The following WASF3 variants were observed in gnomAD, a reference collection of about 807,000 sequenced individuals.
WASF3 encodes WASP family member 3.
WASF3 carries 11 observed loss-of-function variants against 46.6 expected under a neutral mutation model. The ratio of observed to expected loss-of-function variants is 0.24; its 90% CI spans 0.15 to 0.39. The LOEUF is 0.39. WASF3 is among the 10% of genes least tolerant of loss of function. WASF3 has a pLI of 1.00. For missense variants in WASF3, 576 were observed against 669.8 expected (o/e 0.86, Z 1.55); for synonymous variants, 242 against 259.7 (o/e 0.93, Z 0.65).
rs1882735495 is a variant in WASF3, at chr13:26,665,158, A to G, written c.264A>G (p.Glu88=). 3 of 1,613,630 alleles carry G rather than the reference A, an allele frequency of 1.9e-6. No homozygotes were observed. Among genetic ancestry groups the G allele is most frequent in the East Asian group, 2.2e-5 (1 of 44,900 alleles). ...VKVTQLDSTV[E]EVSLQDINMK... Reference sequence around the variant, plus strand: ...TCACCCAGCTGGATTCAACAGTGGAAGAGGGTAGGTAATTGCCTGAAAGCA... The same window carrying G: ...TCACCCAGCTGGATTCAACAGTGGAGGAGGGTAGGTAATTGCCTGAAAGCA... The change falls in exon 4 of 10, where the codon GAA becomes GAG. Residue 88 remains glutamate, a synonymous_variant. Transcript: ENST00000335327.
chr13:26,571,295 G>A (rs1879625002), intron 1 of WASF3, among the ~76,000 whole-genome samples: 1 of 151,902 alleles, frequency 6.6e-6, no homozygotes, highest in Non-Finnish European at 1.5e-5. Flanking sequence ...AATTGAATTG[G>A]GCATGGGTTT....
intron 2 of WASF3, among the ~76,000 whole-genome samples, chr13:26,620,288 A>T (rs1881266979): frequency 6.6e-6 from 1 of 152,106 alleles, no homozygotes; most frequent in South Asian, 2.1e-4. Context: ...ACAATAAAGG[A>T]CTATAAAACA....
chr13:26,541,970 C>G, the WASF3 span, among the ~76,000 whole-genome samples: 1 of 151,784 alleles, frequency 6.6e-6, no homozygotes, highest in Non-Finnish European at 1.5e-5. Context: ...TTTTATTCCC[C>G]CTTTGGAGCT....
intron 1 of WASF3, among the ~76,000 whole-genome samples, chr13:26,580,328 C>T (rs1302660955): frequency 2.0e-5 from 3 of 152,062 alleles, no homozygotes; most frequent in African/African-American, 4.8e-5. Flanking sequence ...GTCAGAAGTG[C>T]TGTAGGATAA....
chr13:26,592,668 T>G (rs1880340322), intron 1 of WASF3, among the ~76,000 whole-genome samples: 1 of 152,182 alleles, frequency 6.6e-6, no homozygotes, highest in African/African-American at 2.4e-5. Flanking sequence ...TCCAAATGCA[T>G]CACATTAGGG....
the WASF3 span, among the ~76,000 whole-genome samples, chr13:26,552,358 T>C: frequency 1.3e-5 from 2 of 152,230 alleles, no homozygotes; most frequent in Non-Finnish European, 2.9e-5. Context: ...CAAAATAAAG[T>C]TAATATCAAT....
intron 1 of WASF3, among the ~76,000 whole-genome samples, chr13:26,562,341 G>A (rs1300811832): frequency 6.6e-6 from 1 of 152,126 alleles, no homozygotes; most frequent in Non-Finnish European, 1.5e-5. Flanking sequence ...CAGCTGCTGC[G>A]AGCTGTTAGT....
intron 3 of WASF3, among the ~76,000 whole-genome samples, chr13:26,655,585 A>AT (rs1431573703): frequency 2.0e-5 from 3 of 152,164 alleles, no homozygotes; most frequent in Non-Finnish European, 4.4e-5. Context: ...CTCAGCATCC[A>AT]TTGATGATCC....
In WASF3 at chr13:26,572,419, C is replaced by CTA. The variant is rs201739712; in HGVS notation, c.-109+14610_-109+14611dup. Among the ~76,000 whole-genome samples the CTA allele has an allele frequency of 7.2e-5, 11 of 152,078 alleles. No individual in the cohort carries two copies. The East Asian group carries it at 1.7e-3, about 24-fold the overall frequency. On this transcript the variant is annotated intron_variant, in intron 1 of 9. Transcript: ENST00000335327. ...AAGTATGCGTCTACTCCTATTTATT[C>CTA]TATATATATATTAGGAATGAATACT... is the stretch of plus-strand genomic sequence containing the variant.
chr13:26,553,540 G>A (rs756665834), upstream of WASF3, among the ~76,000 whole-genome samples: 9 of 151,994 alleles, frequency 5.9e-5, no homozygotes, highest in Non-Finnish European at 7.4e-5. Context: ...TGGAGAGGCC[G>A]GGCACGGTGG....
At position 26,679,122 on chromosome 13, in the gene WASF3, TC is replaced by T. The variant is rs59508032; in HGVS notation, c.717-1931del. ...GCCTCTGGCCCTCCCAGTCCTCTCT[TC>T]TGTAATAGGTGATCACTGACCATCA... On this transcript the variant is annotated intron_variant, in intron 7 of 9. Coordinates refer to ENST00000335327, the MANE Select transcript of WASF3 (RefSeq NM_006646.6). The surrounding 1 kb of genome is among the most constrained non-coding windows in gnomAD (Gnocchi z 4.8). Among the ~76,000 whole-genome samples, 5,396 of 152,074 alleles carry T rather than the reference TC, an allele frequency of 0.035. 330 individuals carry two copies. Among genetic ancestry groups the T allele is most frequent in the African/African-American group, 0.12 (5,082 of 41,434 alleles).
chr13:26,624,528 A>G (rs981033174), intron 2 of WASF3, among the ~76,000 whole-genome samples: 11 of 152,312 alleles, frequency 7.2e-5, no homozygotes, highest in African/African-American at 2.4e-4. Context: ...GATACTGTCC[A>G]GAAAAAAATA....
chr13:26,597,565 T>G (rs1306495937), intron 1 of WASF3, among the ~76,000 whole-genome samples: 3 of 152,210 alleles, frequency 2.0e-5, no homozygotes, highest in African/African-American at 7.2e-5. Flanking sequence ...ATGTGCCATG[T>G]TGGTGTGCTG....
At chr13:26,577,271 C>A (rs964406714) in intron 1 of WASF3, 3 of 739,992 alleles carry the variant, frequency 4.1e-6, no homozygotes, top group Admixed American at 3.6e-5. Flanking sequence ...TCAGGACTAC[C>A]GATGGTTACT....
intron 1 of WASF3, among the ~76,000 whole-genome samples, chr13:26,599,383 G>A (rs1880580303): frequency 6.6e-6 from 1 of 151,944 alleles, no homozygotes; most frequent in Admixed American, 6.6e-5. Context: ...GGTAAAAGCT[G>A]ATTTCTGTCC....
chr13:26,603,717 T>C (rs930015851), intron 1 of WASF3, among the ~76,000 whole-genome samples: 5 of 152,156 alleles, frequency 3.3e-5, no homozygotes, highest in African/African-American at 1.2e-4. Context: ...TTTATACTTA[T>C]TTATGATGGC....
chr13:26,543,493 G>A, the WASF3 span, among the ~76,000 whole-genome samples: 2 of 152,172 alleles, frequency 1.3e-5, no homozygotes, highest in African/African-American at 2.4e-5. Flanking sequence ...TACTGGGGAT[G>A]AGGTGGAGAG....
chr13:26,630,266 C>T (rs1045813574), intron 2 of WASF3, among the ~76,000 whole-genome samples: 5 of 152,126 alleles, frequency 3.3e-5, no homozygotes, highest in African/African-American at 7.2e-5. Context: ...CTCACTAACT[C>T]GTCATTTACA....
rs913596103 is a variant in WASF3 at position 26,683,057 on chromosome 13, T to A, written c.1351+83T>A. 7.3e-6 allele frequency: 11 copies of A among 1,515,314 alleles called. 1 individual carries two copies. In the South Asian group the frequency reaches 1.4e-4, roughly 20 times the overall value. 93.9% of individuals were successfully genotyped at this position (1,515,314 alleles called of 1,614,324 possible). The stretch of plus-strand genomic sequence containing the variant: ...CCAGCCAGCTACAGCCTCCTTGTCT[T>A]CAAATGACTACTCACTACGTTTTTT... On this transcript the variant is annotated intron_variant, in intron 9 of 9. Transcript: ENST00000335327.
Sources: allele counts gnomAD v4.1 joint callset (sites outside exome capture counted in the v4.1 genomes callset), GRCh38; gene constraint gnomAD v4.1.1; non-coding constraint Gnocchi (gnomAD v3.1); transcripts MANE v1.5; gene names NCBI Gene and HGNC (gene_info 2026-07-23, HGNC 2026-07-21).